MAGI2: variants seen among roughly 807,000 people sequenced by gnomAD.
MAGI2 encodes the protein membrane associated guanylate kinase, WW and PDZ domain containing 2, also known as membrane-associated guanylate kinase, WW and PDZ domain-containing protein 2.
In MAGI2, 35 loss-of-function variants were observed where a neutral mutation model predicts 133.3. That is an observed-to-expected ratio of 0.26 (90% CI 0.20 to 0.35). The LOEUF is 0.35. Ranked by LOEUF, MAGI2 falls within the 10% of genes least tolerant of loss-of-function variation. The pLI, the probability that MAGI2 is intolerant of heterozygous loss-of-function variation, is 1.00. For missense variants in MAGI2, 1,636 were observed against 1,863.4 expected (o/e 0.88, Z 2.25); for synonymous variants, 729 against 710.6 (o/e 1.03, Z -0.41).
At chr7:79,051,981 GT>G (rs1452276976) in intron 1 of MAGI2, among the ~76,000 whole-genome samples, 1 of 152,012 alleles carries the variant, frequency 6.6e-6, no homozygotes, top group East Asian at 1.9e-4. Flanking sequence ...CTCATAAGCT[GT>G]AAGATTTGTT....
In MAGI2 at chr7:78,620,210, T is replaced by G. The variant is rs139664706; in HGVS notation, c.538+6910A>C. Among the ~76,000 whole-genome samples the G allele has an allele frequency of 1.2e-3, 184 of 152,082 alleles. 1 individual carries two copies. Among genetic ancestry groups the G allele is most frequent in the African/African-American group, 4.2e-3 (174 of 41,544 alleles). ...TTCAGTGGATAGAAATTTGAACTGA[T>G]AGAAGAATGGTTTTGCTCAAGATGA... On this transcript the variant is annotated intron_variant, in intron 3 of 21. Coordinates refer to ENST00000354212, the MANE Select transcript of MAGI2 (RefSeq NM_012301.4).
At chr7:79,253,763 C>T (rs1308208105) in intron 1 of MAGI2, among the ~76,000 whole-genome samples, 1 of 152,094 alleles carries the variant, frequency 6.6e-6, no homozygotes, top group Non-Finnish European at 1.5e-5. Context: ...TCTCTAACTC[C>T]TTTTCCTCTC....
intron 1 of MAGI2, among the ~76,000 whole-genome samples, chr7:79,345,493 C>T (rs1025208432): frequency 5.3e-5 from 8 of 152,014 alleles, no homozygotes; most frequent in South Asian, 2.1e-4. Context: ...ACAGTCCGAG[C>T]ATACTAATGC....
chr7:78,708,005 T>C (rs778952189), intron 2 of MAGI2, among the ~76,000 whole-genome samples: 1 of 152,074 alleles, frequency 6.6e-6, no homozygotes. Flanking sequence ...TATCCACCCA[T>C]ATAATGCCTC....
chr7:78,693,701 A>G (rs1817206991), intron 2 of MAGI2, among the ~76,000 whole-genome samples: 1 of 152,180 alleles, frequency 6.6e-6, no homozygotes, highest in South Asian at 2.1e-4. Context: ...GGATGCTAGA[A>G]CAGTGCTCAC....
chr7:78,979,326 GAATTTAA>G (rs1402619407), intron 2 of MAGI2, among the ~76,000 whole-genome samples: 1 of 151,456 alleles, frequency 6.6e-6, no homozygotes. Context: ...TGATTTTCCA[GAATTTAA>G]GAAAGAGGTC....
intron 3 of MAGI2, among the ~76,000 whole-genome samples, chr7:78,604,672 A>G (rs895512287): frequency 4.6e-5 from 7 of 152,216 alleles, no homozygotes; most frequent in Non-Finnish European, 7.3e-5. Flanking sequence ...AGTTGGTTAG[A>G]TGTTAAGTGC....
At chr7:79,014,734 A>G (rs1206326968) in intron 1 of MAGI2, among the ~76,000 whole-genome samples, 1 of 152,168 alleles carries the variant, frequency 6.6e-6, no homozygotes, top group Non-Finnish European at 1.5e-5. Context: ...AATAAACCTC[A>G]TAGGTATAAG....
intron 6 of MAGI2, among the ~76,000 whole-genome samples, chr7:78,461,872 T>C (rs745944308): frequency 1.6e-4 from 20 of 122,982 alleles, no homozygotes; most frequent in Non-Finnish European, 3.2e-4. Flanking sequence ...GATCACACCA[T>C]TGCACTCTAG....
chr7:78,498,355 G>C (rs1408173616), intron 5 of MAGI2, among the ~76,000 whole-genome samples: 1 of 152,062 alleles, frequency 6.6e-6, no homozygotes, highest in Non-Finnish European at 1.5e-5. Flanking sequence ...TCACTGTCTC[G>C]TATTCTACAA....
In MAGI2 at chr7:79,312,100, A is replaced by G. The variant is rs1838333376; in HGVS notation, c.301+140920T>C. On this transcript the variant is annotated intron_variant, in intron 1 of 21. Coordinates refer to ENST00000354212, the MANE Select transcript of MAGI2 (RefSeq NM_012301.4). ...AAACCCTAAGATCCCCATCTCACTCAGAGTAAAAGCCAAACCTTTATAATG... is the reference window on the plus strand; with the variant it reads ...AAACCCTAAGATCCCCATCTCACTCGGAGTAAAAGCCAAACCTTTATAATG... Among the ~76,000 whole-genome samples, 3 of 152,186 alleles carry G rather than the reference A, an allele frequency of 2.0e-5. No individual in the cohort carries two copies. In the South Asian group the frequency reaches 6.2e-4, roughly 32 times the overall value.
At chr7:79,230,712 G>A in intron 1 of MAGI2, among the ~76,000 whole-genome samples, 1 of 151,962 alleles carries the variant, frequency 6.6e-6, no homozygotes, top group Non-Finnish European at 1.5e-5. Flanking sequence ...AGATGAGTAG[G>A]TTGTGAAAAT....
rs139160596 is a variant in MAGI2, at chr7:78,509,791, T to C, written c.755-8004A>G. On this transcript the variant is annotated intron_variant, in intron 4 of 21. Coordinates refer to ENST00000354212, the MANE Select transcript of MAGI2 (RefSeq NM_012301.4). ...AGAAGAAGAATACACATTTAATATC[T>C]TATCCATATTTTCATGTGACACAGT... 5.6e-4 allele frequency among the ~76,000 whole-genome samples: 86 copies of C among 152,340 alleles called. No homozygotes were observed. In the East Asian group the frequency reaches 0.016, roughly 28 times the overall value.
chr7:78,124,745 G>A (rs569504247), intron 20 of MAGI2, among the ~76,000 whole-genome samples: 1 of 152,016 alleles, frequency 6.6e-6, no homozygotes, highest in Non-Finnish European at 1.5e-5. Flanking sequence ...TTGTTAACAA[G>A]CTTTGTTTTA....
At chr7:78,909,438 A>C (rs968086299) in intron 2 of MAGI2, among the ~76,000 whole-genome samples, 2 of 150,798 alleles carry the variant, frequency 1.3e-5, no homozygotes, top group African/African-American at 4.9e-5. Flanking sequence ...CTAAAAAAAA[A>C]AAAAAACAAA....
intron 4 of MAGI2, among the ~76,000 whole-genome samples, chr7:78,519,293 G>A (rs1478207426): frequency 6.6e-6 from 1 of 152,062 alleles, no homozygotes; most frequent in Non-Finnish European, 1.5e-5. Flanking sequence ...TTCTAATACT[G>A]GATGATGGAC....
At chr7:79,422,294 G>C (rs1200388721) in intron 1 of MAGI2, among the ~76,000 whole-genome samples, 1 of 151,914 alleles carries the variant, frequency 6.6e-6, no homozygotes, top group Non-Finnish European at 1.5e-5. Context: ...CCTGTACTTA[G>C]CAGGGCAGGA....
At chr7:78,720,057 A>G (rs180786013) in intron 2 of MAGI2, among the ~76,000 whole-genome samples, 2 of 152,292 alleles carry the variant, frequency 1.3e-5, no homozygotes, top group Non-Finnish European at 2.9e-5. Context: ...TTCCAGAATC[A>G]TATATCATAG....
intron 9 of MAGI2, among the ~76,000 whole-genome samples, chr7:78,322,284 C>G (rs920483680): frequency 6.6e-6 from 1 of 152,166 alleles, no homozygotes; most frequent in African/African-American, 2.4e-5. Context: ...GATTATAAAT[C>G]ATGCTACTAT....
Sources: gnomAD v4.1 joint callset for allele counts (sites outside exome capture counted in the v4.1 genomes callset) on GRCh38, gnomAD v4.1.1 for gene constraint, MANE v1.5 for transcripts, NCBI Gene and HGNC (gene_info 2026-07-23, HGNC 2026-07-21) for gene names.